CIB2: variants seen among roughly 807,000 people sequenced by gnomAD.
CIB2 encodes the protein calcium and integrin-binding family member 2.
A neutral mutation model predicts 23.1 loss-of-function variants in CIB2; 19 were observed. The observed-to-expected ratio is 0.82, with a 90% CI of 0.57 to 1.21. CIB2 has a LOEUF of 1.21. Ranked by LOEUF, CIB2 falls within the 50% of genes most tolerant of loss-of-function variation. The pLI is 0.00. For missense variants in CIB2, 220 were observed against 241.5 expected, an observed-to-expected ratio of 0.91 and a Z score of 0.59; for synonymous variants, 94 against 91.7, an observed-to-expected ratio of 1.03 and a Z score of -0.14.
intron 2 of CIB2, among the ~76,000 whole-genome samples, chr15:78,113,697 A>G (rs1482113582): frequency 1.3e-5 from 2 of 151,884 alleles, no homozygotes; most frequent in Non-Finnish European, 2.9e-5. Context: ...TGCCCGGCAC[A>G]TTTTTTGTAC....
At chr15:78,122,268 G>A (rs1044068432) in intron 2 of CIB2, among the ~76,000 whole-genome samples, 1 of 152,208 alleles carries the variant, frequency 6.6e-6, no homozygotes, top group Non-Finnish European at 1.5e-5. Context: ...GTGGGCAGAG[G>A]AGAGGCGAAG....
chr15:78,126,411 C>T (rs1262348360), intron 1 of CIB2, among the ~76,000 whole-genome samples: 1 of 152,072 alleles, frequency 6.6e-6, no homozygotes, highest in Admixed American at 6.6e-5. Context: ...CCCAAAGTGC[C>T]GGGATTATAG....
chr15:78,115,676 CTTTTTTTTTTTTTTTT>C (rs56754406), intron 2 of CIB2, among the ~76,000 whole-genome samples: 1 of 71,294 alleles, frequency 1.4e-5, no homozygotes, highest in African/African-American at 5.4e-5. Context: ...ATCTCCTTCT[CTTTTTTTTTTTTTTTT>C]TTTTTTTTTG....
At chr15:78,127,895 C>T (rs1294124060) in intron 1 of CIB2, among the ~76,000 whole-genome samples, 1 of 152,226 alleles carries the variant, frequency 6.6e-6, no homozygotes, top group East Asian at 1.9e-4. Context: ...CACTTAGGCC[C>T]AGAAGGGAAC....
chr15:78,131,162 C>T lies in CIB2; in HGVS notation c.51+3G>A. The T allele has an allele frequency of 6.3e-7, 1 of 1,588,322 alleles. No individual in the cohort carries two copies. Among genetic ancestry groups the T allele is most frequent in the Non-Finnish European group, 8.6e-7 (1 of 1,169,136 alleles). On this transcript the variant is annotated splice_donor_region_variant and intron_variant, in intron 1 of 5. Transcript: ENST00000258930. This position sits in a 1 kb window ranked among gnomAD's most constrained non-coding sequence, Gnocchi z 5.8. ...TGTTGGGGGCCGGGCGCGCCGAGCT[C>T]ACCTGGTAGTTGTCTAGCTGCTCTT...
chr15:78,124,669 C>T (rs576470937), intron 1 of CIB2, among the ~76,000 whole-genome samples: 35 of 152,268 alleles, frequency 2.3e-4, no homozygotes, highest in Non-Finnish European at 4.4e-4. Context: ...TTAGCTCCTC[C>T]GCCTTTGTCC....
rs140210391 is a variant in CIB2, at chr15:78,110,766, C to A, written c.198+399G>T. On this transcript the variant is annotated intron_variant, in intron 3 of 5. Transcript: ENST00000258930. ...GTTTAAAATTAAATTTTAACAGGTA[C>A]GTTAAAGTCTGAGAAATGATGCTAT... 3,072 of 457,712 alleles carry A rather than the reference C, an allele frequency of 6.7e-3. 22 individuals are homozygous for A. The highest frequency in any genetic ancestry group is 9.5e-3 in the Non-Finnish European group (2,165 of 228,084). 28.4% of individuals were successfully genotyped at this position (457,712 alleles called of 1,614,324 possible). A position where few individuals can be genotyped will look rare whatever the true frequency, so the allele number is the denominator to read the frequency against.
chr15:78,109,114 G>A (rs1436336271), intron 4 of CIB2, 121 bp downstream of exon 4: 4 of 1,150,010 alleles, frequency 3.5e-6, no homozygotes, highest in Non-Finnish European at 4.9e-6. Flanking sequence ...CTCTTCAGAG[G>A]ACAGATCAGC....
chr15:78,120,264 A>G (rs931177372), intron 2 of CIB2, among the ~76,000 whole-genome samples: 1 of 152,194 alleles, frequency 6.6e-6, no homozygotes, highest in Admixed American at 6.5e-5. Context: ...ATATACCAAA[A>G]GATTAACAGC....
At chr15:78,121,754 C>A (rs918854266) in intron 2 of CIB2, among the ~76,000 whole-genome samples, 1 of 152,212 alleles carries the variant, frequency 6.6e-6, no homozygotes, top group Non-Finnish European at 1.5e-5. Context: ...ATCAATTAAA[C>A]CTCTTTCCTT....
chr15:78,130,563 C>T (rs1183733953), intron 1 of CIB2, among the ~76,000 whole-genome samples: 2 of 152,160 alleles, frequency 1.3e-5, no homozygotes, highest in African/African-American at 2.4e-5. Flanking sequence ...GAGGTGGCTA[C>T]TGAGGGCCTA....
chr15:78,124,842 C>T (rs16969520), intron 1 of CIB2, among the ~76,000 whole-genome samples: 73,141 of 151,992 alleles, frequency 0.48, 18,250 homozygotes, highest in East Asian at 0.71. Flanking sequence ...GACCTGAAGC[C>T]GCTGGACATC....
chr15:78,131,509 G>A (rs2074457436), upstream of CIB2: 1 of 159,576 alleles, frequency 6.3e-6, no homozygotes, highest in Admixed American at 6.4e-5. This position sits in a 1 kb window ranked among gnomAD's most constrained non-coding sequence, Gnocchi z 5.8. Context: ...ACCTGGCCCC[G>A]GGAGACGCTG....
intron 3 of CIB2, chr15:78,110,817 G>A: frequency 2.1e-6 from 1 of 468,304 alleles, no homozygotes; most frequent in South Asian, 1.5e-5. Context: ...TGACCTCAGT[G>A]AGAAGCCACA....
intron 2 of CIB2, among the ~76,000 whole-genome samples, chr15:78,116,996 A>C (rs937820810): frequency 6.6e-6 from 1 of 151,726 alleles, no homozygotes; most frequent in African/African-American, 2.4e-5. Context: ...AAATTGGTAT[A>C]AAATGTACTA....
chr15:78,109,133 TC>T (rs1322627280), intron 4 of CIB2, 101 bp downstream of exon 4: 1 of 1,345,138 alleles, frequency 7.4e-7, no homozygotes, highest in East Asian at 2.4e-5. Flanking sequence ...GCTTCACTGT[TC>T]TTGGTGTCCC....
chr15:78,124,714 T>C (rs940776924), intron 1 of CIB2, among the ~76,000 whole-genome samples: 2 of 152,258 alleles, frequency 1.3e-5, no homozygotes, highest in Middle Eastern at 3.4e-3. Flanking sequence ...GCCTCCTAGG[T>C]CTGCAGAGCC....
chr15:78,106,066 C>T lies in CIB2; in HGVS notation c.347-132G>A, dbSNP rs79823207. ...GATGTCCCCAGAGCATCTCCATGCA[C>T]ACTCTTGGGATACTGGATCCCTGCC... On this transcript the variant is annotated intron_variant, in intron 4 of 5. Transcript: ENST00000258930. The T allele has an allele frequency of 2.5e-4, 181 of 726,480 alleles. No individual in the cohort carries two copies. In the East Asian group the frequency reaches 4.6e-3, roughly 18 times the overall value. 45.0% of individuals were successfully genotyped at this position (726,480 alleles called of 1,614,324 possible).
chr15:78,121,286 G>C (rs754909715), intron 2 of CIB2, among the ~76,000 whole-genome samples: 12 of 152,314 alleles, frequency 7.9e-5, no homozygotes, highest in Middle Eastern at 3.4e-3. Flanking sequence ...CCATGCTGCA[G>C]ACGGGGCCTC....
Sources: gnomAD v4.1 joint callset for allele counts (sites outside exome capture counted in the v4.1 genomes callset) on GRCh38, gnomAD v4.1.1 for gene constraint, Gnocchi (gnomAD v3.1) non-coding constraint, MANE v1.5 for transcripts, NCBI Gene and HGNC (gene_info 2026-07-23, HGNC 2026-07-21) for gene names.